Variants in BAALC observed in about 807,000 individuals in gnomAD.
BAALC encodes brain and acute leukemia cytoplasmic protein.
Under a neutral mutation model 15.5 loss-of-function variants are expected in BAALC, and 9 were observed. The observed-to-expected ratio is 0.58, with a 90% confidence interval of 0.35 to 1.02. BAALC has a LOEUF of 1.02. Among genes scored for constraint, BAALC ranks in the 50% least tolerant of loss-of-function variants. BAALC has a pLI of 0.02. For missense variants in BAALC, 201 were observed against 192.4 expected (o/e 1.04, Z -0.27); for synonymous variants, 80 against 74.6 (o/e 1.07, Z -0.37).
At chr8:103,179,973 T>C (rs1811689282) in intron 1 of BAALC, among the ~76,000 whole-genome samples, 1 of 152,106 alleles carries the variant, frequency 6.6e-6, no homozygotes, top group Non-Finnish European at 1.5e-5. Context: ...GAAGTTGTTG[T>C]TCCTGGCGCA....
chr8:103,144,601 A>T (rs1810843187), intron 1 of BAALC, among the ~76,000 whole-genome samples: 1 of 152,228 alleles, frequency 6.6e-6, no homozygotes, highest in Non-Finnish European at 1.5e-5. Flanking sequence ...ATTCATTAAT[A>T]ACTTCCTAGC....
At chr8:103,222,305 A>G (rs1292674569) in intron 2 of BAALC, among the ~76,000 whole-genome samples, 1 of 151,892 alleles carries the variant, frequency 6.6e-6, no homozygotes, top group African/African-American at 2.4e-5. Flanking sequence ...TTCTCTATAG[A>G]ATGTGGATTT....
At chr8:103,184,291 G>A (rs1811788157) in intron 1 of BAALC, among the ~76,000 whole-genome samples, 2 of 152,078 alleles carry the variant, frequency 1.3e-5, no homozygotes, top group South Asian at 4.2e-4. Context: ...CTTTTGCTGT[G>A]GAACCTCATA....
chr8:103,163,681 C>T (rs143644444), intron 1 of BAALC, among the ~76,000 whole-genome samples: 1 of 152,292 alleles, frequency 6.6e-6, no homozygotes, highest in African/African-American at 2.4e-5. Context: ...TTCAGGCCCT[C>T]ATTAATGCTC....
At chr8:103,170,631 T>G (rs1377699744) in intron 1 of BAALC, among the ~76,000 whole-genome samples, 1 of 152,194 alleles carries the variant, frequency 6.6e-6, no homozygotes, top group Non-Finnish European at 1.5e-5. Context: ...GATTCTCAGT[T>G]CCTCCAGAAG....
intron 1 of BAALC, among the ~76,000 whole-genome samples, chr8:103,159,180 G>A (rs1007737757): frequency 1.2e-4 from 19 of 152,052 alleles, no homozygotes; most frequent in Admixed American, 3.3e-4. Context: ...TCTTTCCATC[G>A]TGTGGTTCTA....
At chr8:103,178,455 A>G (rs950328824) in intron 1 of BAALC, among the ~76,000 whole-genome samples, 3 of 152,356 alleles carry the variant, frequency 2.0e-5, no homozygotes, top group East Asian at 1.9e-4. Flanking sequence ...CCTGGATAGG[A>G]TCTTGTACTA....
intron 1 of BAALC, among the ~76,000 whole-genome samples, chr8:103,151,286 C>T (rs1229298807): frequency 6.6e-6 from 1 of 152,046 alleles, no homozygotes; most frequent in African/African-American, 2.4e-5. Flanking sequence ...CAAAGTGCTG[C>T]AATTACAGGT....
intron 2 of BAALC, among the ~76,000 whole-genome samples, chr8:103,218,343 G>A (rs1353264319): frequency 6.6e-6 from 1 of 150,900 alleles, no homozygotes; most frequent in African/African-American, 2.4e-5. Context: ...GATTTCCCCA[G>A]TCATTTGGGG....
chr8:103,202,527 C>G (rs182046487), intron 1 of BAALC, among the ~76,000 whole-genome samples: 25 of 152,280 alleles, frequency 1.6e-4, no homozygotes, highest in Admixed American at 1.1e-3. Flanking sequence ...TTTGTTATGG[C>G]AGCCTGAGCA....
chr8:103,163,205 G>A (rs117815058), intron 1 of BAALC, among the ~76,000 whole-genome samples: 8 of 151,864 alleles, frequency 5.3e-5, no homozygotes, highest in Non-Finnish European at 8.8e-5. Flanking sequence ...TCTCTGCCTC[G>A]TCCTCTTTTT....
At chr8:103,159,992 A>C (rs1811185740) in intron 1 of BAALC, among the ~76,000 whole-genome samples, 2 of 152,200 alleles carry the variant, frequency 1.3e-5, no homozygotes, top group Admixed American at 1.3e-4. Flanking sequence ...TTATCAATTC[A>C]GATTTTTCAT....
At chr8:103,147,341 T>C (rs945890650) in intron 1 of BAALC, among the ~76,000 whole-genome samples, 1 of 152,224 alleles carries the variant, frequency 6.6e-6, no homozygotes, top group East Asian at 1.9e-4. Flanking sequence ...TACTATTTGA[T>C]AGCACAATGG....
At chr8:103,200,093 A>G in intron 1 of BAALC, among the ~76,000 whole-genome samples, 1 of 152,094 alleles carries the variant, frequency 6.6e-6, no homozygotes, top group East Asian at 1.9e-4. Flanking sequence ...TGTCTTTACT[A>G]TTGTGAATAG....
At chr8:103,218,039 A>G (rs10096999) in intron 2 of BAALC, among the ~76,000 whole-genome samples, 12,971 of 152,162 alleles carry the variant, frequency 0.085, 585 homozygotes, top group African/African-American at 0.1. Context: ...GGTAGCAGCT[A>G]CTCTATTTAA....
Position 103,140,784 on chromosome 8 carries a change from G to A in BAALC, c.-114G>A. On this transcript the variant is annotated 5_prime_UTR_variant, in exon 1 of 3. Transcript: ENST00000309982. The surrounding 1 kb of genome is among the most constrained non-coding windows in gnomAD (Gnocchi z 4.2). ...GCGGCTGCAGCGCGGGCGGGAGCGG[G>A]GACGCGATGTCGCCGCCGCCGCCTC... The A allele has an allele frequency of 1.0e-6, 1 of 989,298 alleles. No homozygotes were observed. Among genetic ancestry groups the A allele is most frequent in the Admixed American group, 4.8e-5 (1 of 21,048 alleles). The allele number at this position is 989,298 out of a possible 1,614,324, so 61.3% of individuals were successfully genotyped here.
At chr8:103,184,424 C>T (rs746246883) in intron 1 of BAALC, among the ~76,000 whole-genome samples, 2 of 152,228 alleles carry the variant, frequency 1.3e-5, no homozygotes, top group Admixed American at 1.3e-4. Context: ...ATCTGCCATT[C>T]ATTGAGCACC....
At chr8:103,172,378 C>G (rs1811515931) in intron 1 of BAALC, among the ~76,000 whole-genome samples, 1 of 139,680 alleles carries the variant, frequency 7.2e-6, no homozygotes, top group Non-Finnish European at 1.5e-5. Flanking sequence ...AGACTGAATT[C>G]TATTCTGGCT....
At chr8:103,167,241 A>G (rs1811368824) in intron 1 of BAALC, among the ~76,000 whole-genome samples, 1 of 152,240 alleles carries the variant, frequency 6.6e-6, no homozygotes. Context: ...GAATTTATTT[A>G]TTCAACAATT....
Sources: gnomAD v4.1 joint callset for allele counts (sites outside exome capture counted in the v4.1 genomes callset) on GRCh38, gnomAD v4.1.1 for gene constraint, Gnocchi (gnomAD v3.1) non-coding constraint, MANE v1.5 for transcripts, NCBI Gene and HGNC (gene_info 2026-07-23, HGNC 2026-07-21) for gene names.